Variants in COL28A1 observed in about 807,000 individuals in gnomAD.
The protein encoded by COL28A1 is collagen type XXVIII alpha 1 chain.
A neutral mutation model predicts 150.2 loss-of-function variants in COL28A1; 161 were observed. The observed-to-expected ratio is 1.07, with a 90% CI of 0.94 to 1.22. The LOEUF is 1.22. Ranked by LOEUF, COL28A1 falls within the 50% of genes most tolerant of loss-of-function variation. The pLI is 0.00. For missense variants in COL28A1, 1,617 were observed against 1,388.3 expected, an observed-to-expected ratio of 1.16 and a Z score of -2.62; for synonymous variants, 552 against 469.7, an observed-to-expected ratio of 1.18 and a Z score of -2.26.
downstream of COL28A1, among the ~76,000 whole-genome samples, chr7:7,354,325 A>G (rs190123728): frequency 4.6e-5 from 7 of 152,274 alleles, no homozygotes; most frequent in African/African-American, 1.7e-4. Flanking sequence ...CCTAGAAATT[A>G]CCAATGTTAC....
intron 13 of COL28A1, among the ~76,000 whole-genome samples, chr7:7,478,640 G>T (rs190994444): frequency 6.6e-6 from 1 of 152,376 alleles, no homozygotes; most frequent in Non-Finnish European, 1.5e-5. Flanking sequence ...GCCCACGGCG[G>T]GTTGGGGAGA....
chr7:7,434,031 T>C (rs552707984), intron 23 of COL28A1, among the ~76,000 whole-genome samples: 1 of 152,168 alleles, frequency 6.6e-6, no homozygotes. Context: ...AAATGAATAA[T>C]TGACTGGGAA....
rs576250760 is a variant in COL28A1 at position 7,519,390 on chromosome 7, T to C, written c.813+672A>G. 2.0e-5 allele frequency among the ~76,000 whole-genome samples: 3 copies of C among 152,312 alleles called. No individual in the cohort carries two copies. In the East Asian group the frequency reaches 5.8e-4, roughly 29 times the overall value. On this transcript the variant is annotated intron_variant, in intron 6 of 34. Transcript: ENST00000399429. ...CGTACAATTCAAGATGAGATTTGAG[T>C]GGGGACATAACCAAAGCATATCACT...
At chr7:7,446,101 G>A (rs967469942) in intron 18 of COL28A1, among the ~76,000 whole-genome samples, 30 of 151,816 alleles carry the variant, frequency 2.0e-4, no homozygotes, top group African/African-American at 4.8e-4. Context: ...CAGGTGATCC[G>A]CCTGCCTCAG....
chr7:7,422,136 TTTCTC>T (rs1380463083), intron 25 of COL28A1, among the ~76,000 whole-genome samples: 3 of 152,188 alleles, frequency 2.0e-5, no homozygotes, highest in Non-Finnish European at 1.5e-5. Context: ...GGACATGTCT[TTTCTC>T]TTCCAAACAT....
chr7:7,443,718 C>T, intron 19 of COL28A1, 65 bp from the exon 20 acceptor site: 1 of 1,592,834 alleles, frequency 6.3e-7, no homozygotes, highest in Middle Eastern at 1.7e-4. Flanking sequence ...TATCATCCCA[C>T]CTTGTCTCCT....
At chr7:7,368,740 ATT>A (rs1562477255) in intron 33 of COL28A1, among the ~76,000 whole-genome samples, 1 of 152,168 alleles carries the variant, frequency 6.6e-6, no homozygotes, top group African/African-American at 2.4e-5. Context: ...CAAACACCAG[ATT>A]TTAGACTTCC....
chr7:7,507,848 G>C (rs1337033952), intron 9 of COL28A1, among the ~76,000 whole-genome samples: 1 of 152,176 alleles, frequency 6.6e-6, no homozygotes, highest in Non-Finnish European at 1.5e-5. Context: ...TTTTCGTCCA[G>C]TTTTATTCCC....
chr7:7,362,350 C>CTTGT (rs34255708), intron 33 of COL28A1, among the ~76,000 whole-genome samples: 118,320 of 151,762 alleles, frequency 0.78, 46,288 homozygotes, highest in East Asian at 0.88. Context: ...AAGAGTTTCT[C>CTTGT]TTATTTGTTT....
chr7:7,492,388 A>G (rs1283084090), intron 11 of COL28A1, among the ~76,000 whole-genome samples: 1 of 151,460 alleles, frequency 6.6e-6, no homozygotes, highest in East Asian at 1.9e-4. Context: ...AGCCTGGCCA[A>G]CATGGTGAAA....
At chr7:7,339,933 G>A in the COL28A1 span, among the ~76,000 whole-genome samples, 1 of 152,144 alleles carries the variant, frequency 6.6e-6, no homozygotes, top group South Asian at 2.1e-4. Context: ...ATGTAGTTAA[G>A]AGAAATAACT....
intron 13 of COL28A1, among the ~76,000 whole-genome samples, chr7:7,483,892 CTTA>C (rs1194269580): frequency 6.6e-6 from 1 of 151,632 alleles, no homozygotes; most frequent in East Asian, 1.9e-4. Flanking sequence ...TTTTAAAATA[CTTA>C]TTAACTTAAA....
intron 4 of COL28A1, among the ~76,000 whole-genome samples, chr7:7,523,269 T>C (rs1781840004): frequency 6.6e-6 from 1 of 151,872 alleles, no homozygotes; most frequent in African/African-American, 2.4e-5. Flanking sequence ...GTGATTCTCC[T>C]GCCTCAGCCT....
chr7:7,434,930 G>A (rs568375000), intron 23 of COL28A1, among the ~76,000 whole-genome samples: 6 of 152,280 alleles, frequency 3.9e-5, no homozygotes, highest in African/African-American at 1.4e-4. Context: ...GCATCTGGGA[G>A]ACCCCTGAAG....
chr7:7,433,679 C>T lies in COL28A1; in HGVS notation c.1861-979G>A, dbSNP rs190823594. Reference sequence around the variant, plus strand: ...AAAGATTACCTACAAGTCCATTACACTTTTATTTAAAACTTGTAATACTTC... The same window carrying T: ...AAAGATTACCTACAAGTCCATTACATTTTTATTTAAAACTTGTAATACTTC... On this transcript the variant is annotated intron_variant, in intron 23 of 34. Coordinates refer to ENST00000399429, the MANE Select transcript of COL28A1 (RefSeq NM_001037763.3). Among the ~76,000 whole-genome samples, 212 of 150,880 alleles carry T rather than the reference C, an allele frequency of 1.4e-3. 3 individuals are homozygous for T. Among genetic ancestry groups the T allele is most frequent in the Admixed American group, 0.01 (158 of 15,164 alleles).
chr7:7,530,335 A>T (rs1457146262), intron 3 of COL28A1, among the ~76,000 whole-genome samples: 1 of 152,230 alleles, frequency 6.6e-6, no homozygotes, highest in Non-Finnish European at 1.5e-5. Context: ...CTCAGATCTT[A>T]TGCTGAAAGC....
At chr7:7,441,012 A>G in intron 20 of COL28A1, 151 bp from the exon 21 acceptor site, 2 of 473,586 alleles carry the variant, frequency 4.2e-6, no homozygotes, top group Non-Finnish European at 7.6e-6. Flanking sequence ...GGATTCGTCA[A>G]TGTTCTTGAG....
chr7:7,415,333 C>A (rs993615296), intron 27 of COL28A1, among the ~76,000 whole-genome samples: 1 of 152,202 alleles, frequency 6.6e-6, no homozygotes, highest in African/African-American at 2.4e-5. Context: ...GTTCCTATAT[C>A]CTTGAAATGA....
rs545429344 is a variant in COL28A1 at position 7,459,090 on chromosome 7, C to T, written c.1303-2978G>A. Among the ~76,000 whole-genome samples, 4 of 152,282 alleles carry T rather than the reference C, an allele frequency of 2.6e-5. No homozygotes were observed. The South Asian group carries it at 8.3e-4, about 32-fold the overall frequency. ...GAAAAAGAAGATGGTATTGAGGGAACAGCAGATAAAAGCTTTGCTATGTAA... is the reference window on the plus strand; with the variant it reads ...GAAAAAGAAGATGGTATTGAGGGAATAGCAGATAAAAGCTTTGCTATGTAA... On this transcript the variant is annotated intron_variant, in intron 15 of 34. Transcript: ENST00000399429.
Sources: allele counts gnomAD v4.1 joint callset (sites outside exome capture counted in the v4.1 genomes callset), GRCh38; gene constraint gnomAD v4.1.1; transcripts MANE v1.5; gene names NCBI Gene and HGNC (gene_info 2026-07-23, HGNC 2026-07-21).